NUAK2: variants seen among roughly 807,000 people sequenced by gnomAD.
NUAK2 encodes the protein NUAK family kinase 2.
A neutral mutation model predicts 29.8 loss-of-function variants in NUAK2; 20 were observed. The observed-to-expected ratio is 0.67, with a 90% CI of 0.47 to 0.98. The LOEUF (loss-of-function observed/expected upper bound fraction) is 0.98. Ranked by LOEUF, NUAK2 falls within the 50% of genes least tolerant of loss-of-function variation. The pLI is 0.00. For synonymous variants in NUAK2, 331 were observed against 342.6 expected (o/e 0.97, Z 0.37); for missense variants, 719 against 834.5 (o/e 0.86, Z 1.71).
chr1:205,318,629 G>A (rs1390260692), intron 1 of NUAK2, among the ~76,000 whole-genome samples: 1 of 152,244 alleles, frequency 6.6e-6, no homozygotes. Flanking sequence ...TCCCCTTGGA[G>A]GTAAGACTTC....
Position 205,304,351 on chromosome 1 carries a change from C to A in NUAK2, c.986G>T (p.Arg329Leu), listed in dbSNP as rs374096584. ...EGGHPGSDSA[R>L]ASMADWLRRS... ...CCGGAGCCAGTCAGCCATGGAGGCG[C>A]GGGCAGAGTCACTGCCAGGGTGCCC... The change falls in exon 7 of 7, where the codon CGC (arginine) becomes CTC (leucine). Residue 329 changes from arginine to leucine, a missense_variant. Arg to Leu is a moderately radical substitution (Grantham distance 102, BLOSUM62 -2). Transcript: ENST00000367157. The surrounding 1 kb of genome is among the most constrained non-coding windows in gnomAD (Gnocchi z 6.5). The A allele has an allele frequency of 1.2e-6, 2 of 1,610,478 alleles. No homozygotes were observed. The highest frequency in any genetic ancestry group is 1.1e-5 in the South Asian group (1 of 90,744).
intron 1 of NUAK2, among the ~76,000 whole-genome samples, chr1:205,320,249 T>TG (rs1425116730): frequency 5.3e-5 from 8 of 150,474 alleles, no homozygotes; most frequent in South Asian, 2.1e-4. Context: ...TCTTTTTTTG[T>TG]TTGTTTCGTT....
chr1:205,308,002 T>G lies in NUAK2; in HGVS notation c.570+163A>C. ...CCAGCTCTCCATCCACACAATGAGG[T>G]GTTGGAATGGATGATGGCTGAGGTC... On this transcript the variant is annotated intron_variant, in intron 4 of 6. Transcript: ENST00000367157. This position sits in a 1 kb window ranked among gnomAD's most constrained non-coding sequence, Gnocchi z 4.1. 1 of 561,750 alleles carries G rather than the reference T, an allele frequency of 1.8e-6. No homozygotes were observed. The highest frequency in any genetic ancestry group is 3.2e-6 in the Non-Finnish European group (1 of 315,460). The allele number at this position is 561,750 out of a possible 1,614,324, so 34.8% of individuals were successfully genotyped here.
chr1:205,311,847 G>A (rs1662262046), intron 1 of NUAK2, 22 bp from the exon 2 acceptor site: 2 of 1,613,006 alleles, frequency 1.2e-6, no homozygotes, highest in Non-Finnish European at 1.7e-6. Flanking sequence ...AGGCATGAGA[G>A]TGAGGAGAAA....
At chr1:205,311,654 C>T in intron 2 of NUAK2, 51 bp downstream of exon 2, 1 of 1,607,976 alleles carries the variant, frequency 6.2e-7, no homozygotes, top group Non-Finnish European at 8.5e-7. Flanking sequence ...TGTGAACACA[C>T]ACATGCACAC....
chr1:205,320,092 A>G (rs143372979), intron 1 of NUAK2, among the ~76,000 whole-genome samples: 1 of 152,326 alleles, frequency 6.6e-6, no homozygotes, highest in African/African-American at 2.4e-5. Flanking sequence ...GTGGAACCAG[A>G]GAATGTAAGT....
intron 2 of NUAK2, among the ~76,000 whole-genome samples, chr1:205,310,069 C>T (rs891654035): frequency 1.3e-5 from 2 of 152,204 alleles, no homozygotes; most frequent in African/African-American, 2.4e-5. Flanking sequence ...GCTTGCTTGG[C>T]CTGCCCCAGA....
At chr1:205,306,724 ACCT>A (rs910160615) in intron 4 of NUAK2, among the ~76,000 whole-genome samples, 4 of 151,434 alleles carry the variant, frequency 2.6e-5, no homozygotes, top group African/African-American at 9.7e-5. Context: ...TCCCATGCTG[ACCT>A]CCTTGCCCCC....
chr1:205,308,758 C>T lies in NUAK2; in HGVS notation c.353-26G>A, dbSNP rs559298401. On this transcript the variant is annotated intron_variant, in intron 2 of 6. Transcript: ENST00000367157. This position sits in a 1 kb window ranked among gnomAD's most constrained non-coding sequence, Gnocchi z 4.1. Reference sequence around the variant, plus strand: ...CTGGGCAGAGCAAGGCAAGGAACGTCAGGCCCTCCCAGAGTGCACTGCTCT... The same window carrying T: ...CTGGGCAGAGCAAGGCAAGGAACGTTAGGCCCTCCCAGAGTGCACTGCTCT... 354 of 1,610,138 alleles carry T rather than the reference C, an allele frequency of 2.2e-4. 2 individuals are homozygous for T. In the South Asian group the frequency reaches 3.3e-3, roughly 15 times the overall value.
At chr1:205,310,043 G>A (rs1201513169) in intron 2 of NUAK2, among the ~76,000 whole-genome samples, 10 of 152,194 alleles carry the variant, frequency 6.6e-5, no homozygotes, top group Non-Finnish European at 1.5e-4. Flanking sequence ...TGTGTCAAAC[G>A]GGTCCTATGA....
At position 205,308,486 on chromosome 1, in the gene NUAK2, T is replaced by C; in HGVS notation, c.504+95A>G. ...TAGTTTTGCCTCTGTTTCTGTGTGA[T>C]CCTGGACAAGTCATGGAACCTCTCT... On this transcript the variant is annotated intron_variant, in intron 3 of 6. Transcript: ENST00000367157. The surrounding 1 kb of genome is among the most constrained non-coding windows in gnomAD (Gnocchi z 4.1). The C allele has an allele frequency of 7.3e-7, 1 of 1,370,458 alleles. No individual in the cohort carries two copies. Among genetic ancestry groups the C allele is most frequent in the Non-Finnish European group, 1.0e-6 (1 of 977,590 alleles). The allele number at this position is 1,370,458 out of a possible 1,614,324, so 84.9% of individuals were successfully genotyped here.
At chr1:205,319,745 C>T (rs952981783) in intron 1 of NUAK2, among the ~76,000 whole-genome samples, 1 of 152,194 alleles carries the variant, frequency 6.6e-6, no homozygotes, top group Non-Finnish European at 1.5e-5. Context: ...GGGACTGTGC[C>T]AGGCGATAGC....
Position 205,303,847 on chromosome 1 carries a change from T to C in NUAK2, c.1490A>G (p.His497Arg), listed in dbSNP as rs778895302. 1.2e-6 allele frequency: 2 copies of C among 1,610,296 alleles called. No individual in the cohort carries two copies. The highest frequency in any genetic ancestry group is 1.3e-5 in the African/African-American group (1 of 74,816). ...ATTGAGTTTGAGGATGCCTTTGCGA[T>C]GGAGGAGCAGCCCTGAAGCTTGCGG... is the stretch of plus-strand genomic sequence containing the variant. ...KPPQASGLLL[H>R]RKGILKLNGK... Residue 497 changes from histidine (H) to arginine (R), a missense_variant, in exon 7 of 7, where the codon CAT becomes CGT. This residue lies in a region of NUAK2 where 430 missense variants were observed against 465.7 expected (regional missense o/e 0.92). Coordinates refer to ENST00000367157, the MANE Select transcript of NUAK2 (RefSeq NM_030952.3).
At chr1:205,317,538 C>T (rs1201053284) in intron 1 of NUAK2, among the ~76,000 whole-genome samples, 1 of 152,302 alleles carries the variant, frequency 6.6e-6, no homozygotes, top group Non-Finnish European at 1.5e-5. Context: ...GGAATGGGCT[C>T]CAAGGGGAGC....
At chr1:205,317,006 T>A (rs1662336809) in intron 1 of NUAK2, among the ~76,000 whole-genome samples, 1 of 152,256 alleles carries the variant, frequency 6.6e-6, no homozygotes, top group Non-Finnish European at 1.5e-5. Context: ...GCCATAGAGA[T>A]TTCCCTGCCT....
Position 205,303,022 on chromosome 1 carries a change from G to A in NUAK2, c.*428C>T, listed in dbSNP as rs186529414. 1.3e-5 allele frequency: 2 copies of A among 154,736 alleles called. No individual in the cohort carries two copies. Among genetic ancestry groups the A allele is most frequent in the South Asian group, 2.1e-4 (1 of 4,872 alleles). 9.6% of individuals were successfully genotyped at this position (154,736 alleles called of 1,614,324 possible). A position where few individuals can be genotyped will look rare whatever the true frequency, so the allele number is the denominator to read the frequency against. On this transcript the variant is annotated 3_prime_UTR_variant, in exon 7 of 7. Transcript: ENST00000367157. ...TGGTGGTTGGTAGGAACGGGAATGT[G>A]TGTGTAAAGAGGTCTGGCCCCACTT... is the stretch of plus-strand genomic sequence containing the variant.
At position 205,311,648 on chromosome 1, in the gene NUAK2, A is replaced by AAC; in HGVS notation, c.352+55_352+56dup. 8 of 1,596,522 alleles carry AAC rather than the reference A, an allele frequency of 5.0e-6. No individual in the cohort carries two copies. In the South Asian group the frequency reaches 6.6e-5, roughly 13 times the overall value. On this transcript the variant is annotated intron_variant, in intron 2 of 6. Coordinates refer to ENST00000367157, the MANE Select transcript of NUAK2 (RefSeq NM_030952.3). The stretch of plus-strand genomic sequence containing the variant: ...TCTGACACATGTACATACGCATGTG[A>AAC]ACACACACATGCACACACATAGACC...
In NUAK2 at chr1:205,319,821, CT is replaced by C. The variant is rs960089788; in HGVS notation, c.231+1576del. 8.5e-5 allele frequency among the ~76,000 whole-genome samples: 13 copies of C among 152,166 alleles called. 1 individual carries two copies. The highest frequency in any genetic ancestry group is 1.8e-4 in the Non-Finnish European group (12 of 68,038). On this transcript the variant is annotated intron_variant, in intron 1 of 6. Coordinates refer to ENST00000367157, the MANE Select transcript of NUAK2 (RefSeq NM_030952.3). ...ACCCCTTTCTCCAACATCCACTCTC[CT>C]TCACCAATGAAATGACTTCTTGAAT...
rs1455310074 is a variant in NUAK2 at position 205,303,749 on chromosome 1, G to A, written c.1588C>T (p.Pro530Ser). 3 of 1,544,348 alleles carry A rather than the reference G, an allele frequency of 1.9e-6. No individual in the cohort carries two copies. The highest frequency in any genetic ancestry group is 1.8e-4 in the Middle Eastern group (1 of 5,700). ...CGGCTGGCCCGGGCCAGGGGGCGAG[G>A]TGGGGCGAGTTCATCCAGGGAGCCG... ...TFGSLDELAP[P>S]RPLARASRPS... is the part of the protein sequence containing the mutation. Residue 530 changes from proline to serine, a missense_variant, in exon 7 of 7, where the codon CCT becomes TCT. Coordinates refer to ENST00000367157, the MANE Select transcript of NUAK2 (RefSeq NM_030952.3).
Sources: allele counts gnomAD v4.1 joint callset (sites outside exome capture counted in the v4.1 genomes callset), GRCh38; gene constraint gnomAD v4.1.1; regional missense constraint gnomAD v4.1.1; non-coding constraint Gnocchi (gnomAD v3.1); transcripts MANE v1.5; gene names NCBI Gene and HGNC (gene_info 2026-07-23, HGNC 2026-07-21).